Variants in MINK1 observed in about 807,000 individuals in gnomAD.
MINK1 encodes the protein misshapen-like kinase 1.
In MINK1, 46 loss-of-function variants were observed where a neutral mutation model predicts 178.4. That is an observed-to-expected ratio of 0.26 (90% confidence interval 0.20 to 0.33). The LOEUF is 0.33. MINK1 is among the 10% of genes least tolerant of loss of function. The pLI is 1.00. For synonymous variants in MINK1, 797 were observed against 709.7 expected, an observed-to-expected ratio of 1.12 and a Z score of -1.96; for missense variants, 1,366 against 1,814.9, an observed-to-expected ratio of 0.75 and a Z score of 4.49.
chr17:4,844,798 G>A lies in MINK1; in HGVS notation c.57+11158G>A, dbSNP rs192770619. ...AGCCTCTTCAGAGGGAGGAGAGGAA[G>A]GCTGTCTCATTTCCCCCCACCCTTT... On this transcript the variant is annotated intron_variant, in intron 1 of 31. Coordinates refer to ENST00000355280, the MANE Select transcript of MINK1 (RefSeq NM_153827.5). 2.0e-4 allele frequency among the ~76,000 whole-genome samples: 31 copies of A among 152,280 alleles called. No individual in the cohort carries two copies. The East Asian group carries it at 5.8e-3, about 28-fold the overall frequency.
rs1968583548 is a variant in MINK1 at position 4,889,754 on chromosome 17, G to A, written c.1338G>A (p.Glu446=). 15 of 1,539,152 alleles carry A rather than the reference G, an allele frequency of 9.7e-6. No homozygotes were observed. The East Asian group carries it at 3.4e-4, about 35-fold the overall frequency. ...GGGAGGAGGAGCGGCGGCAGGCGGA[G>A]CGCGAGCAGGTAGAGCGCCGCACCC... ...LRREEERRQA[E]REQEYKRKQL... Residue 446 remains glutamate (E), a synonymous_variant, in exon 13 of 32, where the codon GAG becomes GAA. Transcript: ENST00000355280.
Position 4,885,368 on chromosome 17 carries a change from G to A in MINK1, c.509-115G>A, listed in dbSNP as rs773753970. ...GGTAAAGGAGGGTGCTGGGGTGTCT[G>A]GGTCGGGCCAGGACCACAGCTGGCT... On this transcript the variant is annotated intron_variant, in intron 6 of 31. Transcript: ENST00000355280. This position sits in a 1 kb window ranked among gnomAD's most constrained non-coding sequence, Gnocchi z 5.0. The A allele has an allele frequency of 2.1e-6, 3 of 1,397,846 alleles. No homozygotes were observed. Among genetic ancestry groups the A allele is most frequent in the Non-Finnish European group, 3.0e-6 (3 of 1,014,270 alleles). The allele number at this position is 1,397,846 out of a possible 1,614,324, so 86.6% of individuals were successfully genotyped here.
chr17:4,896,866 A>G lies in MINK1; in HGVS notation c.3915+53A>G. On this transcript the variant is annotated intron_variant, in intron 31 of 31. Transcript: ENST00000355280. This position sits in a 1 kb window ranked among gnomAD's most constrained non-coding sequence, Gnocchi z 4.6. Reference sequence around the variant, plus strand: ...CTGCTGTCCCGGCTGCCATGACCCTAGGCCCCTGGGCAGAGTTCTGGGGAG... The same window carrying G: ...CTGCTGTCCCGGCTGCCATGACCCTGGGCCCCTGGGCAGAGTTCTGGGGAG... 6.6e-7 allele frequency: 1 copy of G among 1,517,272 alleles called. No individual in the cohort carries two copies. The highest frequency in any genetic ancestry group is 1.4e-5 in the African/African-American group (1 of 71,672). 94.0% of individuals were successfully genotyped at this position (1,517,272 alleles called of 1,614,324 possible).
chr17:4,850,700 T>G (rs1430649653), intron 1 of MINK1, among the ~76,000 whole-genome samples: 1 of 152,166 alleles, frequency 6.6e-6, no homozygotes, highest in Non-Finnish European at 1.5e-5. Context: ...TCACAAGTTT[T>G]CTTGGTCATG....
intron 31 of MINK1, 119 bp from the exon 32 acceptor site, chr17:4,897,085 C>A: frequency 1.1e-6 from 1 of 935,612 alleles, no homozygotes. Context: ...GAGTCTCCTC[C>A]TGCAGTCTCT....
Position 4,892,679 on chromosome 17 carries a change from A to G in MINK1, c.2222A>G (p.Asp741Gly), listed in dbSNP as rs1968979743. ...AGTAACCCCGACCTCAGGAGGAGCG[A>G]CCCTGGCTGGGAACGCTCGGACAGC... The part of the protein sequence containing the change: ...ASSNPDLRRS[D>G]PGWERSDSVL... Residue 741 changes from aspartate to glycine, a missense_variant, in exon 19 of 32, where the codon GAC becomes GGC. By Grantham distance (94) the Asp-to-Gly change is moderately conservative. This residue lies in a region of MINK1 where 709 missense variants were observed against 692.3 expected (regional missense o/e 1.02). Coordinates refer to ENST00000355280, the MANE Select transcript of MINK1 (RefSeq NM_153827.5). 1 of 1,610,256 alleles carries G rather than the reference A, an allele frequency of 6.2e-7. No individual in the cohort carries two copies. The highest frequency in any genetic ancestry group is 1.3e-5 in the African/African-American group (1 of 74,848).
At chr17:4,865,919 G>A (rs1311659829) in intron 1 of MINK1, among the ~76,000 whole-genome samples, 3 of 152,038 alleles carry the variant, frequency 2.0e-5, no homozygotes, top group Non-Finnish European at 4.4e-5. Flanking sequence ...ACATGGGTTT[G>A]TGTCATCTGA....
At chr17:4,875,399 C>T in intron 1 of MINK1, 1 of 439,968 alleles carries the variant, frequency 2.3e-6, no homozygotes, top group Non-Finnish European at 4.5e-6. Flanking sequence ...TGCTTGAGCC[C>T]AGGAGTTCAA....
chr17:4,892,714 G>T lies in MINK1; in HGVS notation c.2257G>T (p.Ala753Ser). 1 of 1,612,158 alleles carries T rather than the reference G, an allele frequency of 6.2e-7. No individual in the cohort carries two copies. Among genetic ancestry groups the T allele is most frequent in the Non-Finnish European group, 8.5e-7 (1 of 1,179,606 alleles). The part of the protein sequence containing the change: ...GWERSDSVLP[A>S]SHGHLPQAGS... ...GGAACGCTCGGACAGCGTCCTTCCA[G>T]CCTCTCACGGGCACCTCCCCCAGGC... The change falls in exon 19 of 32, where the codon GCC becomes TCC. Residue 753 changes from alanine (A) to serine (S), a missense_variant. By Grantham distance (99) the Ala-to-Ser change is moderately conservative. Transcript: ENST00000355280.
At chr17:4,838,051 G>T (rs980610889) in intron 1 of MINK1, among the ~76,000 whole-genome samples, 1 of 152,210 alleles carries the variant, frequency 6.6e-6, no homozygotes, top group Non-Finnish European at 1.5e-5. Context: ...TGTGCTAGCT[G>T]TCCAAATGTT....
rs773962565 is a variant in MINK1 at position 4,895,998 on chromosome 17, C to T, written c.3365-5C>T. The T allele has an allele frequency of 6.3e-6, 10 of 1,590,256 alleles. No individual in the cohort carries two copies. The highest frequency in any genetic ancestry group is 1.8e-5 in the Admixed American group (1 of 56,242). ...CTCAGCATCCCTCTTCTCTCCCGCCCCCAGTGAAATACGAGCGGATTAAGT... is the reference window on the plus strand; with the variant it reads ...CTCAGCATCCCTCTTCTCTCCCGCCTCCAGTGAAATACGAGCGGATTAAGT... On this transcript the variant is annotated splice_region_variant and splice_polypyrimidine_tract_variant and intron_variant, in intron 27 of 31. Transcript: ENST00000355280. The surrounding 1 kb of genome is among the most constrained non-coding windows in gnomAD (Gnocchi z 4.3).
In MINK1 at chr17:4,895,768, A is replaced by G. The variant is rs1281005494; in HGVS notation, c.3300A>G (p.Glu1100=). The change falls in exon 27 of 32, where the codon GAA becomes GAG. Residue 1100 remains glutamate, a synonymous_variant. Coordinates refer to ENST00000355280, the MANE Select transcript of MINK1 (RefSeq NM_153827.5). The surrounding 1 kb of genome is among the most constrained non-coding windows in gnomAD (Gnocchi z 4.3). ...ACAAGATTCTGCACAATGACCCAGA[A>G]GTGGAGAAGAAGCAGGGCTGGACCA... ...LRNKILHNDP[E]VEKKQGWTTV... 1.2e-6 allele frequency: 2 copies of G among 1,613,858 alleles called. No homozygotes were observed. Among genetic ancestry groups the G allele is most frequent in the Non-Finnish European group, 8.5e-7 (1 of 1,179,822 alleles).
rs1969688186 is a variant in MINK1, at chr17:4,897,610, C to T, written c.*323C>T. 1.1e-5 allele frequency: 3 copies of T among 270,924 alleles called. No homozygotes were observed. The East Asian group carries it at 2.6e-4, about 23-fold the overall frequency. The allele number at this position is 270,924 out of a possible 1,614,324, so 16.8% of individuals were successfully genotyped here. ...AGGAGAGTGCTTGGGGCTTGAACCC[C>T]TTACCCCACTGCTGCTGACTGGGCA... On this transcript the variant is annotated 3_prime_UTR_variant, in exon 32 of 32. Transcript: ENST00000355280.
At chr17:4,843,410 G>A (rs760288759) in intron 1 of MINK1, among the ~76,000 whole-genome samples, 1 of 151,902 alleles carries the variant, frequency 6.6e-6, no homozygotes, top group African/African-American at 2.4e-5. Context: ...CTCAGGAGGC[G>A]GAGGTTGCAG....
intron 1 of MINK1, among the ~76,000 whole-genome samples, chr17:4,876,108 T>C (rs926027816): frequency 3.3e-5 from 5 of 152,072 alleles, no homozygotes; most frequent in Admixed American, 6.6e-5. Flanking sequence ...ATTTTTTTTT[T>C]CGTAACTTTA....
At chr17:4,862,004 C>T (rs1403567700) in intron 1 of MINK1, among the ~76,000 whole-genome samples, 2 of 152,188 alleles carry the variant, frequency 1.3e-5, no homozygotes, top group Non-Finnish European at 2.9e-5. Flanking sequence ...GCACCCATCT[C>T]AGTGTGAGGC....
intron 2 of MINK1, 40 bp downstream of exon 2, chr17:4,878,422 A>G: frequency 6.6e-7 from 1 of 1,514,786 alleles, no homozygotes; most frequent in Non-Finnish European, 8.9e-7. Context: ...CCACATCTGC[A>G]GGGCAGTCTT....
At chr17:4,869,260 ATTT>A (rs1270643920) in intron 1 of MINK1, among the ~76,000 whole-genome samples, 2 of 25,062 alleles carry the variant, frequency 8.0e-5, no homozygotes, top group Non-Finnish European at 4.4e-4. Context: ...TTATTTATTT[ATTT>A]ATTTATTTAT....
chr17:4,856,512 G>A (rs894563163), intron 1 of MINK1, among the ~76,000 whole-genome samples: 1 of 152,074 alleles, frequency 6.6e-6, no homozygotes, highest in African/African-American at 2.4e-5. Flanking sequence ...CTGGCAGCGC[G>A]GGCTGGAGAG....
Sources: gnomAD v4.1 joint callset for allele counts (sites outside exome capture counted in the v4.1 genomes callset) on GRCh38, gnomAD v4.1.1 for gene constraint, gnomAD v4.1.1 regional missense constraint, Gnocchi (gnomAD v3.1) non-coding constraint, MANE v1.5 for transcripts, NCBI Gene and HGNC (gene_info 2026-07-23, HGNC 2026-07-21) for gene names.